LRRC7: variants seen among roughly 807,000 people sequenced by gnomAD.
LRRC7 encodes leucine-rich repeat-containing protein 7.
A neutral mutation model predicts 175.7 loss-of-function variants in LRRC7; 23 were observed. The observed-to-expected ratio is 0.13, with a 90% CI of 0.09 to 0.19. The LOEUF is 0.19. Among genes scored for constraint, LRRC7 ranks in the 10% least tolerant of loss-of-function variants. The probability of loss-of-function intolerance (pLI) is 1.00; values close to 1 mark genes in which losing one functional copy is unlikely to be tolerated. For missense variants in LRRC7, 1,354 were observed against 1,904.7 expected, an observed-to-expected ratio of 0.71 and a Z score of 5.38; for synonymous variants, 685 against 680.9, an observed-to-expected ratio of 1.01 and a Z score of -0.09.
chr1:69,844,686 C>A (rs913671839), intron 7 of LRRC7, among the ~76,000 whole-genome samples: 2 of 151,966 alleles, frequency 1.3e-5, no homozygotes, highest in African/African-American at 4.8e-5. Flanking sequence ...GGGTGAGTTC[C>A]TTTGGATATA....
At chr1:69,658,274 C>A (rs1656943790) in intron 1 of LRRC7, among the ~76,000 whole-genome samples, 1 of 151,856 alleles carries the variant, frequency 6.6e-6, no homozygotes, top group African/African-American at 2.4e-5. Context: ...CTTGTTTTAT[C>A]TCTTCTAAAA....
intron 3 of LRRC7, among the ~76,000 whole-genome samples, chr1:69,782,737 G>A (rs566384990): frequency 7.2e-5 from 11 of 151,750 alleles, no homozygotes; most frequent in African/African-American, 2.4e-4. Flanking sequence ...AGGAGGAGAT[G>A]GACCTAATCA....
intron 7 of LRRC7, among the ~76,000 whole-genome samples, chr1:69,922,865 G>A (rs1170174482): frequency 1.3e-5 from 2 of 151,428 alleles, no homozygotes; most frequent in Non-Finnish European, 2.9e-5. Flanking sequence ...CAATGTGCAG[G>A]TTAGTTACGT....
In LRRC7 at chr1:69,955,608, G is replaced by A. The variant is rs894566044; in HGVS notation, c.711+24038G>A. ...GATTATATAGATAAGGAAATATATT[G>A]TTTAAAGTTAATAAAATCCAAATCA... On this transcript the variant is annotated intron_variant, in intron 8 of 26. Coordinates refer to ENST00000651989, the MANE Select transcript of LRRC7 (RefSeq NM_001370785.2). Among the ~76,000 whole-genome samples the A allele has an allele frequency of 4.9e-4, 75 of 151,962 alleles. 2 individuals are homozygous for A. Among genetic ancestry groups the A allele is most frequent in the Admixed American group, 4.9e-3 (75 of 15,226 alleles).
At chr1:69,756,385 A>G (rs1474730630) in intron 2 of LRRC7, among the ~76,000 whole-genome samples, 1 of 151,870 alleles carries the variant, frequency 6.6e-6, no homozygotes, top group Admixed American at 6.6e-5. Context: ...CAAAAATTTA[A>G]CAGAATGCAG....
chr1:69,673,410 A>G (rs1158343752), intron 1 of LRRC7, among the ~76,000 whole-genome samples: 1 of 152,138 alleles, frequency 6.6e-6, no homozygotes, highest in African/African-American at 2.4e-5. Flanking sequence ...GAGCTCTTCA[A>G]TGAGTTGTTA....
At chr1:69,617,842 G>A (rs1302371182) in intron 1 of LRRC7, among the ~76,000 whole-genome samples, 2 of 152,072 alleles carry the variant, frequency 1.3e-5, no homozygotes, top group Admixed American at 1.3e-4. Context: ...ATAACAAGCA[G>A]TTCTCCTTAT....
At chr1:69,581,674 GA>G (rs1646207753) in intron 1 of LRRC7, among the ~76,000 whole-genome samples, 1 of 152,112 alleles carries the variant, frequency 6.6e-6, no homozygotes. Context: ...CTTCTATAGG[GA>G]AAAGTAATTA....
intron 9 of LRRC7, among the ~76,000 whole-genome samples, chr1:69,981,822 C>T (rs975960676): frequency 1.3e-5 from 2 of 152,166 alleles, no homozygotes; most frequent in South Asian, 2.1e-4. Flanking sequence ...GCATTTACCA[C>T]GGGCTAAGCA....
chr1:69,907,060 TTGTC>T (rs1646340830), intron 7 of LRRC7, among the ~76,000 whole-genome samples: 2 of 152,070 alleles, frequency 1.3e-5, no homozygotes, highest in Admixed American at 1.3e-4. Flanking sequence ...GGCTCTCTGT[TTGTC>T]TGTTCTTGGT....
At chr1:69,925,064 G>T (rs1267313649) in intron 7 of LRRC7, among the ~76,000 whole-genome samples, 1 of 152,044 alleles carries the variant, frequency 6.6e-6, no homozygotes, top group East Asian at 1.9e-4. Context: ...TAATCATGTG[G>T]TTTTTGTCTT....
chr1:69,883,573 A>T lies in LRRC7; in HGVS notation c.647+45290A>T, dbSNP rs1570485908. ...CTCCCATTTTGTAGGTTGCCTGTTC[A>T]CTCTGATGGTAGTTTGTTTTGCTGT... On this transcript the variant is annotated intron_variant, in intron 7 of 26. Coordinates refer to ENST00000651989, the MANE Select transcript of LRRC7 (RefSeq NM_001370785.2). 3.0e-5 allele frequency among the ~76,000 whole-genome samples: 3 copies of T among 99,340 alleles called. 1 individual carries two copies. The highest frequency in any genetic ancestry group is 7.7e-5 in the African/African-American group (2 of 26,008). 65.2% of individuals were successfully genotyped at this position (99,340 alleles called of 152,430 possible).
intron 21 of LRRC7, among the ~76,000 whole-genome samples, chr1:70,043,083 G>A (rs754014310): frequency 6.6e-6 from 1 of 151,928 alleles, no homozygotes; most frequent in Non-Finnish European, 1.5e-5. Flanking sequence ...GGAGGAGATT[G>A]TACTGTGCAA....
rs11473590 is a variant in LRRC7 at position 69,617,547 on chromosome 1, T to TAAAAAAAAAAAAAAAAAAAAAAAA, written c.2+48908_2+48931dup. Among the ~76,000 whole-genome samples the TAAAAAAAAAAAAAAAAAAAAAAAA allele has an allele frequency of 5.2e-4, 32 of 62,002 alleles. 2 individuals are homozygous for TAAAAAAAAAAAAAAAAAAAAAAAA. Among genetic ancestry groups the TAAAAAAAAAAAAAAAAAAAAAAAA allele is most frequent in the Non-Finnish European group, 7.1e-4 (24 of 33,670 alleles). 40.7% of individuals were successfully genotyped at this position (62,002 alleles called of 152,430 possible). A position where few individuals can be genotyped will look rare whatever the true frequency, so the allele number is the denominator to read the frequency against. ...GCTGAAGGTTGTTATATACTCACAG[T>TAAAAAAAAAAAAAAAAAAAAAAAA]AAAAAAAAAAAAAAAAAAAAAAAAA... On this transcript the variant is annotated intron_variant, in intron 1 of 26. Transcript: ENST00000651989.
intron 1 of LRRC7, among the ~76,000 whole-genome samples, chr1:69,579,059 C>T (rs971512555): frequency 1.3e-5 from 2 of 151,880 alleles, no homozygotes; most frequent in African/African-American, 2.4e-5. Context: ...AATATTATTG[C>T]TTAACAATGG....
intron 8 of LRRC7, 119 bp from the exon 9 acceptor site, chr1:69,980,260 T>TC (rs1653282859): frequency 4.6e-6 from 4 of 870,072 alleles, no homozygotes; most frequent in Non-Finnish European, 7.4e-6. Flanking sequence ...TCTTAGATGC[T>TC]TAACACTAGA....
intron 2 of LRRC7, among the ~76,000 whole-genome samples, chr1:69,705,890 A>G (rs1319310778): frequency 1.3e-5 from 2 of 152,160 alleles, no homozygotes; most frequent in African/African-American, 4.8e-5. Flanking sequence ...GATGAGCTTG[A>G]TAGTATAAAG....
intron 1 of LRRC7, among the ~76,000 whole-genome samples, chr1:69,608,862 CTCTCTA>C (rs1286706679): frequency 3.6e-4 from 8 of 22,142 alleles, no homozygotes; most frequent in South Asian, 1.6e-3. Flanking sequence ...CTCTCTCTCT[CTCTCTA>C]TATATATATA....
At chr1:69,598,201 G>C (rs1391182672) in intron 1 of LRRC7, among the ~76,000 whole-genome samples, 1 of 152,040 alleles carries the variant, frequency 6.6e-6, no homozygotes, top group Non-Finnish European at 1.5e-5. Flanking sequence ...ATAGGGTCAG[G>C]TAATGAAGCT....
Sources: allele counts gnomAD v4.1 joint callset (sites outside exome capture counted in the v4.1 genomes callset), GRCh38; gene constraint gnomAD v4.1.1; transcripts MANE v1.5; gene names NCBI Gene and HGNC (gene_info 2026-07-23, HGNC 2026-07-21).